The following ADD2 variants were observed in gnomAD, a reference collection of about 807,000 sequenced individuals.
ADD2 encodes adducin 2.
ADD2 carries 23 observed loss-of-function variants against 83.0 expected under a neutral mutation model. The ratio of observed to expected loss-of-function variants is 0.28; its 90% CI spans 0.20 to 0.39. ADD2 has a LOEUF of 0.39. Ranked by LOEUF, ADD2 falls within the 10% of genes least tolerant of loss-of-function variation. The pLI is 1.00. For synonymous variants in ADD2, 375 were observed against 375.4 expected (o/e 1.00, Z 0.01); for missense variants, 758 against 944.9 (o/e 0.80, Z 2.59).
At position 70,672,997 on chromosome 2, in the gene ADD2, T is replaced by A. The variant is rs1553367427; in HGVS notation, c.1751A>T (p.Glu584Val). 2.5e-6 allele frequency: 4 copies of A among 1,612,996 alleles called. No homozygotes were observed. In the South Asian group the frequency reaches 4.4e-5, roughly 18 times the overall value. The change falls in exon 15 of 16, where the codon GAA becomes GTA. Residue 584 changes from glutamate to valine, a missense_variant. Coordinates refer to ENST00000264436, the MANE Select transcript of ADD2 (RefSeq NM_001617.4). Reference protein sequence around the residue: ...RKKLELDGEKETAPEEPGSPA... With the variant: ...RKKLELDGEKVTAPEEPGSPA... Reference sequence around the variant, plus strand: ...TGAGCCAGGCTCTTCTGGGGCAGTTTCTTTCTCTCCTGAAAAAACAGAAAA... The same window carrying A: ...TGAGCCAGGCTCTTCTGGGGCAGTTACTTTCTCTCCTGAAAAAACAGAAAA...
chr2:70,729,953 A>G (rs1387657268), intron 1 of ADD2, among the ~76,000 whole-genome samples: 1 of 152,222 alleles, frequency 6.6e-6, no homozygotes, highest in Non-Finnish European at 1.5e-5. Context: ...TTCTTTTAAT[A>G]TATGTAGCAA....
intron 14 of ADD2, chr2:70,673,419 AT>A: frequency 9.6e-7 from 1 of 1,045,314 alleles, no homozygotes; most frequent in Non-Finnish European, 1.4e-6. Context: ...CCCTTATTTT[AT>A]TTTTTGCTGA....
At position 70,706,614 on chromosome 2, in the gene ADD2, A is replaced by G. The variant is rs990244149; in HGVS notation, c.-34-172T>C. Among the ~76,000 whole-genome samples the G allele has an allele frequency of 2.4e-4, 36 of 152,076 alleles. No individual in the cohort carries two copies. Among genetic ancestry groups the G allele is most frequent in the Middle Eastern group, 3.4e-3 (1 of 294 alleles). On this transcript the variant is annotated intron_variant, in intron 2 of 15. Coordinates refer to ENST00000264436, the MANE Select transcript of ADD2 (RefSeq NM_001617.4). This position sits in a 1 kb window ranked among gnomAD's most constrained non-coding sequence, Gnocchi z 5.0. ...CAGGACGCCAGCAGCGGCCCCATAT[A>G]CCCATCTATAGGGGCGCTGCTGTGC...
At chr2:70,744,685 A>G (rs150972549) in intron 1 of ADD2, among the ~76,000 whole-genome samples, 1 of 152,346 alleles carries the variant, frequency 6.6e-6, no homozygotes, top group East Asian at 1.9e-4. Context: ...AATGGGAAAC[A>G]TTAATGGGCT....
At chr2:70,767,544 G>A (rs1553386344) in intron 1 of ADD2, 5 of 883,902 alleles carry the variant, frequency 5.7e-6, no homozygotes, top group African/African-American at 3.5e-5. Flanking sequence ...GAGCGGCCCC[G>A]CCCGGCTAGG....
intron 13 of ADD2, chr2:70,675,088 G>A (rs1474212016): frequency 9.2e-6 from 11 of 1,201,508 alleles, no homozygotes; most frequent in Admixed American, 4.1e-5. Flanking sequence ...GGATGCTCCC[G>A]AGCAGAAGGA....
intron 1 of ADD2, among the ~76,000 whole-genome samples, chr2:70,745,474 T>C (rs1247584216): frequency 3.3e-5 from 5 of 152,044 alleles, no homozygotes; most frequent in African/African-American, 1.2e-4. Flanking sequence ...GTGTGAACAT[T>C]GTACTTAGAT....
Position 70,734,817 on chromosome 2 carries a change from C to T in ADD2, c.-153-21633G>A, listed in dbSNP as rs1673445284. Among the ~76,000 whole-genome samples, 3 of 152,216 alleles carry T rather than the reference C, an allele frequency of 2.0e-5. No individual in the cohort carries two copies. The South Asian group carries it at 6.2e-4, about 31-fold the overall frequency. The stretch of plus-strand genomic sequence containing the variant: ...CCTTTCTGAATTTACCACCATCTAG[C>T]TTGCATTGCACCTATTTGAGTAAGT... On this transcript the variant is annotated intron_variant, in intron 1 of 15. Transcript: ENST00000264436.
At chr2:70,731,589 G>A (rs1673284988) in intron 1 of ADD2, among the ~76,000 whole-genome samples, 1 of 152,174 alleles carries the variant, frequency 6.6e-6, no homozygotes, top group Admixed American at 6.5e-5. Context: ...TGCTCAGCAG[G>A]AATTGGTTCG....
rs782160038 is a variant in ADD2, at chr2:70,674,697, C to T, written c.1722G>A (p.Arg574=). The change falls in exon 14 of 16, where the codon AGG becomes AGA. Residue 574 remains arginine (R), a synonymous_variant. Transcript: ENST00000264436. ...ELEEYKKEVE[R]KKLELDGEKE... ...ATTTACCATCAAGTTCTAGTTTCTT[C>T]CTCTCCACCTCTTTCTTGTACTCCT... The T allele has an allele frequency of 3.1e-6, 5 of 1,613,756 alleles. No homozygotes were observed.
At chr2:70,683,809 G>T (rs200658854) in intron 9 of ADD2, 42 bp from the exon 10 acceptor site, 2 of 1,584,738 alleles carry the variant, frequency 1.3e-6, no homozygotes, top group Admixed American at 1.7e-5. Context: ...TGTGCACATG[G>T]GTACCCTGCA....
intron 1 of ADD2, among the ~76,000 whole-genome samples, chr2:70,729,597 G>T (rs1477840773): frequency 6.6e-6 from 1 of 152,108 alleles, no homozygotes; most frequent in East Asian, 1.9e-4. Flanking sequence ...GGGTTTCTCA[G>T]TTTCTGTCCT....
At chr2:70,733,611 G>C (rs1162371624) in intron 1 of ADD2, among the ~76,000 whole-genome samples, 1 of 152,214 alleles carries the variant, frequency 6.6e-6, no homozygotes, top group African/African-American at 2.4e-5. Flanking sequence ...AAAGTGGTAA[G>C]AGTGAATGCA....
At chr2:70,672,391 A>T (rs782057464) in intron 15 of ADD2, among the ~76,000 whole-genome samples, 3 of 152,200 alleles carry the variant, frequency 2.0e-5, no homozygotes, top group Non-Finnish European at 4.4e-5. Context: ...AAAGCTGGGG[A>T]TGGGATCCAA....
At chr2:70,728,093 C>T (rs1365420873) in intron 1 of ADD2, among the ~76,000 whole-genome samples, 7 of 152,126 alleles carry the variant, frequency 4.6e-5, no homozygotes, top group Admixed American at 3.3e-4. Context: ...AGAAGAAACA[C>T]TGCTGTGCTC....
chr2:70,681,319 G>A (rs1670437964), intron 10 of ADD2, among the ~76,000 whole-genome samples: 1 of 152,140 alleles, frequency 6.6e-6, no homozygotes. Context: ...CAACCAATCA[G>A]TATCACCCAT....
chr2:70,712,443 C>CAAA lies in ADD2; in HGVS notation c.-35+620_-35+622dup, dbSNP rs11422928. Among the ~76,000 whole-genome samples, 68 of 123,234 alleles carry CAAA rather than the reference C, an allele frequency of 5.5e-4. 1 individual carries two copies. Among genetic ancestry groups the CAAA allele is most frequent in the Middle Eastern group, 3.9e-3 (1 of 254 alleles). The allele number at this position is 123,234 out of a possible 152,430, so 80.8% of individuals were successfully genotyped here. On this transcript the variant is annotated intron_variant, in intron 2 of 15. Coordinates refer to ENST00000264436, the MANE Select transcript of ADD2 (RefSeq NM_001617.4). Reference sequence around the variant, plus strand: ...TGGGTGAAAGAGGGAGACCCTGTCTCAAAAAAAATAAATAAATAAAAAAAA... The same window carrying CAAA: ...TGGGTGAAAGAGGGAGACCCTGTCTCAAAAAAAAAAATAAATAAATAAAAAAAA...
chr2:70,716,354 A>G (rs1475579001), intron 1 of ADD2, among the ~76,000 whole-genome samples: 1 of 152,084 alleles, frequency 6.6e-6, no homozygotes. Flanking sequence ...CCAGGACCCA[A>G]GAGGCACAAA....
At chr2:70,675,920 A>G in intron 13 of ADD2, 2 of 985,360 alleles carry the variant, frequency 2.0e-6, no homozygotes, top group Non-Finnish European at 2.4e-6. Flanking sequence ...GGCTATTTCT[A>G]TACTTGACCC....
Sources: allele counts gnomAD v4.1 joint callset (sites outside exome capture counted in the v4.1 genomes callset), GRCh38; gene constraint gnomAD v4.1.1; non-coding constraint Gnocchi (gnomAD v3.1); transcripts MANE v1.5; gene names NCBI Gene and HGNC (gene_info 2026-07-23, HGNC 2026-07-21).